FARS2: variants seen among roughly 807,000 people sequenced by gnomAD.
FARS2 encodes phenylalanine--tRNA ligase, mitochondrial.
A neutral mutation model predicts 46.4 loss-of-function variants in FARS2; 40 were observed. The observed-to-expected ratio is 0.86, with a 90% CI of 0.67 to 1.12. The LOEUF is 1.12. Ranked by LOEUF, FARS2 falls within the 50% of genes most tolerant of loss-of-function variation. The pLI is 0.00. For missense variants in FARS2, 513 were observed against 567.9 expected, an observed-to-expected ratio of 0.90 and a Z score of 0.98; for synonymous variants, 234 against 214.9, an observed-to-expected ratio of 1.09 and a Z score of -0.78.
chr6:5,636,325 C>A (rs576105360), intron 6 of FARS2, among the ~76,000 whole-genome samples: 1 of 152,170 alleles, frequency 6.6e-6, no homozygotes, highest in African/African-American at 2.4e-5. Context: ...AGTGTACGGT[C>A]GCTGTCTGGG....
intron 2 of FARS2, among the ~76,000 whole-genome samples, chr6:5,378,703 T>G (rs1759550659): frequency 6.6e-6 from 1 of 152,200 alleles, no homozygotes; most frequent in Non-Finnish European, 1.5e-5. Context: ...CAGATTATAG[T>G]CCCCATGTTT....
chr6:5,618,045 C>T (rs1014498137), intron 6 of FARS2, among the ~76,000 whole-genome samples: 5 of 152,198 alleles, frequency 3.3e-5, no homozygotes, highest in Non-Finnish European at 5.9e-5. Flanking sequence ...CTCGTAACTA[C>T]TCAAGTCTGC....
intron 4 of FARS2, among the ~76,000 whole-genome samples, chr6:5,444,850 C>T (rs1351910085): frequency 2.0e-5 from 3 of 152,142 alleles, no homozygotes; most frequent in African/African-American, 7.2e-5. Flanking sequence ...CTGCTCAGTA[C>T]AATTCCCAGT....
At chr6:5,422,591 A>G (rs1201105248) in intron 3 of FARS2, among the ~76,000 whole-genome samples, 1 of 152,158 alleles carries the variant, frequency 6.6e-6, no homozygotes, top group African/African-American at 2.4e-5. Flanking sequence ...CTGAGATTAG[A>G]TACGTGAGCT....
chr6:5,628,410 C>G (rs1776137743), intron 6 of FARS2, among the ~76,000 whole-genome samples: 1 of 152,214 alleles, frequency 6.6e-6, no homozygotes, highest in African/African-American at 2.4e-5. Flanking sequence ...TAGTGGACCT[C>G]TGACCCGGGC....
chr6:5,381,465 T>C (rs763469365), intron 2 of FARS2, among the ~76,000 whole-genome samples: 24 of 151,878 alleles, frequency 1.6e-4, no homozygotes, highest in Admixed American at 1.0e-3. Context: ...TATAGGCTTA[T>C]TAGTTAAAGG....
chr6:5,296,172 A>C lies in FARS2; in HGVS notation c.-22+34512A>C, dbSNP rs544507953. Among the ~76,000 whole-genome samples the C allele has an allele frequency of 2.6e-3, 259 of 100,492 alleles. 3 individuals are homozygous for C. Among genetic ancestry groups the C allele is most frequent in the Non-Finnish European group, 2.6e-3 (150 of 56,620 alleles). 65.9% of individuals were successfully genotyped at this position (100,492 alleles called of 152,430 possible). ...TTTTTTTTTTTTTGAGACGAAGTCT[A>C]GCTCTGTCGCCTGGGCTGGAGTGCA... On this transcript the variant is annotated intron_variant, in intron 1 of 6. Transcript: ENST00000274680.
chr6:5,260,887 C>G, upstream of FARS2: 5 of 1,408,584 alleles, frequency 3.5e-6, no homozygotes. Context: ...AGCGGGCAGC[C>G]CTGCGGATCG....
At chr6:5,547,089 T>C (rs527814809) in intron 5 of FARS2, among the ~76,000 whole-genome samples, 1 of 152,130 alleles carries the variant, frequency 6.6e-6, no homozygotes, top group South Asian at 2.1e-4. Context: ...GTAGCTGGGA[T>C]TACAGGCATA....
chr6:5,317,599 G>A (rs1180114079), intron 1 of FARS2, among the ~76,000 whole-genome samples: 1 of 151,760 alleles, frequency 6.6e-6, no homozygotes, highest in Non-Finnish European at 1.5e-5. Flanking sequence ...TGGGCAACAT[G>A]GCAAAACCCC....
chr6:5,449,314 A>G (rs1320796521), intron 4 of FARS2, among the ~76,000 whole-genome samples: 2 of 142,428 alleles, frequency 1.4e-5, no homozygotes, highest in Non-Finnish European at 3.0e-5. Context: ...TTGCCACTGC[A>G]CTCCAGCCTG....
chr6:5,253,853 C>CGTTTTGAAGT, the FARS2 span, among the ~76,000 whole-genome samples: 1 of 149,998 alleles, frequency 6.7e-6, no homozygotes, highest in South Asian at 2.1e-4. Context: ...AAAAAACCAT[C>CGTTTTGAAGT]GTTTTGAAGT....
intron 5 of FARS2, among the ~76,000 whole-genome samples, chr6:5,605,100 AG>A (rs2150647342): frequency 6.6e-6 from 1 of 152,342 alleles, no homozygotes; most frequent in Admixed American, 6.5e-5. Context: ...AACACACAGC[AG>A]TGACAGATCA....
intron 5 of FARS2, among the ~76,000 whole-genome samples, chr6:5,550,389 C>T (rs372050184): frequency 1.3e-5 from 2 of 152,184 alleles, no homozygotes; most frequent in Non-Finnish European, 2.9e-5. Flanking sequence ...CTCAGCCTCC[C>T]GAGTAGCTGG....
At chr6:5,466,130 C>T (rs1582188158) in intron 4 of FARS2, among the ~76,000 whole-genome samples, 1 of 152,156 alleles carries the variant, frequency 6.6e-6, no homozygotes, top group South Asian at 2.1e-4. Flanking sequence ...TCTCTGAATG[C>T]TCCTTCTCTC....
In FARS2 at chr6:5,686,464, G is replaced by C. The variant is rs145709946; in HGVS notation, c.1217+73144G>C. Among the ~76,000 whole-genome samples the C allele has an allele frequency of 4.2e-4, 64 of 151,904 alleles. No homozygotes were observed. The East Asian group carries it at 0.012, about 29-fold the overall frequency. ...GAGAACATGTGGTGTTCGGTTTTTT[G>C]TCCTTGCTATAGTTTGCTAAGAATG... On this transcript the variant is annotated intron_variant, in intron 6 of 6. Transcript: ENST00000274680.
intron 6 of FARS2, among the ~76,000 whole-genome samples, chr6:5,682,496 A>C (rs1177374577): frequency 1.3e-5 from 2 of 152,226 alleles, no homozygotes; most frequent in African/African-American, 4.8e-5. Flanking sequence ...GCCTGGCTCT[A>C]TCCGAAGGGA....
intron 6 of FARS2, among the ~76,000 whole-genome samples, chr6:5,638,341 G>T (rs953486852): frequency 1.3e-5 from 2 of 152,190 alleles, no homozygotes; most frequent in Non-Finnish European, 2.9e-5. Flanking sequence ...GAGGCGGGTG[G>T]ATCACCTGAG....
At position 5,297,580 on chromosome 6, in the gene FARS2, G is replaced by A. The variant is rs371353700; in HGVS notation, c.-22+35920G>A. Among the ~76,000 whole-genome samples, 10 of 152,126 alleles carry A rather than the reference G, an allele frequency of 6.6e-5. No homozygotes were observed. The South Asian group carries it at 1.5e-3, about 22-fold the overall frequency. On this transcript the variant is annotated intron_variant, in intron 1 of 6. Coordinates refer to ENST00000274680, the MANE Select transcript of FARS2 (RefSeq NM_006567.5). ...GGAGAATTGATTGAACCCAGGAGGC[G>A]GAGGTTGCAGTGAGCCAAGATCGTG... is the stretch of plus-strand genomic sequence containing the variant.
Sources: gnomAD v4.1 joint callset for allele counts (sites outside exome capture counted in the v4.1 genomes callset) on GRCh38, gnomAD v4.1.1 for gene constraint, MANE v1.5 for transcripts, NCBI Gene and HGNC (gene_info 2026-07-23, HGNC 2026-07-21) for gene names.